TEX11: variants seen among roughly 807,000 people sequenced by gnomAD.
TEX11 encodes the protein testis expressed 11.
Under a neutral mutation model 84.4 loss-of-function variants are expected in TEX11, and 7 were observed. The observed-to-expected ratio is 0.08, with a 90% CI of 0.05 to 0.16. The LOEUF (loss-of-function observed/expected upper bound fraction) is 0.16, where lower values mean the gene tolerates loss of function less well. TEX11 is among the 10% of genes least tolerant of loss of function. The pLI is 1.00. For synonymous variants in TEX11, 264 were observed against 222.8 expected, an observed-to-expected ratio of 1.18 and a Z score of -1.64; for missense variants, 551 against 660.5, an observed-to-expected ratio of 0.83 and a Z score of 1.82.
chrX:70,768,811 T>C (rs755598722), intron 9 of TEX11, among the ~76,000 whole-genome samples: 3 of 111,835 alleles, frequency 2.7e-5, no homozygotes, highest in African/African-American at 9.7e-5. Flanking sequence ...AAATTCTTAA[T>C]TGCACATAGA....
chrX:70,674,162 T>A (rs2090048874), intron 15 of TEX11, among the ~76,000 whole-genome samples: 2 of 112,449 alleles, frequency 1.8e-5, no homozygotes, highest in African/African-American at 6.5e-5. Context: ...TTTGGCTTTC[T>A]GATCCTGTGT....
At chrX:70,791,464 T>C (rs2091117774) in intron 9 of TEX11, among the ~76,000 whole-genome samples, 2 of 111,892 alleles carry the variant, frequency 1.8e-5, no homozygotes, top group South Asian at 7.4e-4. Flanking sequence ...GCAGAAAACT[T>C]ATGAGGAAAT....
intron 8 of TEX11, among the ~76,000 whole-genome samples, chrX:70,814,070 A>G (rs2147815831): frequency 8.9e-6 from 1 of 111,764 alleles, no homozygotes; most frequent in South Asian, 3.8e-4. Context: ...CAAGCTACCA[A>G]TGACTTTCTT....
intron 13 of TEX11, among the ~76,000 whole-genome samples, chrX:70,714,847 G>A (rs1433852054): frequency 1.8e-5 from 2 of 111,359 alleles, no homozygotes; most frequent in African/African-American, 6.5e-5. Context: ...GATGTTAGCT[G>A]GTTATTTTGC....
At chrX:70,773,825 G>A (rs2090985318) in intron 9 of TEX11, among the ~76,000 whole-genome samples, 1 of 111,526 alleles carries the variant, frequency 9.0e-6, no homozygotes, top group Non-Finnish European at 1.9e-5. Flanking sequence ...ATTCAACAGA[G>A]AAGTTACAGG....
At chrX:70,772,394 G>C (rs902123508) in intron 9 of TEX11, among the ~76,000 whole-genome samples, 2 of 110,524 alleles carry the variant, frequency 1.8e-5, no homozygotes, top group Admixed American at 9.7e-5. Flanking sequence ...GGGCAACTTA[G>C]GGAGGCCCCA....
intron 11 of TEX11, among the ~76,000 whole-genome samples, chrX:70,737,319 T>A (rs946032671): frequency 1.8e-5 from 2 of 110,812 alleles, no homozygotes; most frequent in African/African-American, 3.3e-5. Flanking sequence ...AAATAACAAA[T>A]TATGTTTTAA....
intron 25 of TEX11, among the ~76,000 whole-genome samples, chrX:70,558,210 T>C (rs2088314901): frequency 9.4e-6 from 1 of 106,449 alleles, no homozygotes; most frequent in African/African-American, 3.7e-5. Flanking sequence ...AGCATGGTAC[T>C]GACATAAGGA....
rs947327797 is a variant in TEX11, at chrX:70,831,464, C to T, written c.606+2049G>A. On this transcript the variant is annotated intron_variant, in intron 8 of 29. Coordinates refer to ENST00000374333, the MANE Select transcript of TEX11 (RefSeq NM_031276.3). ...TAACATAGTGAAACCCCCATCTCTACAAAAAAATAAAACAACTAGCCAGCC... is the reference window on the plus strand; with the variant it reads ...TAACATAGTGAAACCCCCATCTCTATAAAAAAATAAAACAACTAGCCAGCC... Among the ~76,000 whole-genome samples the T allele has an allele frequency of 4.5e-5, 5 of 110,800 alleles. No individual in the cohort carries two copies. In the Admixed American group the frequency reaches 4.8e-4, roughly 11 times the overall value.
intron 8 of TEX11, among the ~76,000 whole-genome samples, chrX:70,825,411 C>T (rs1005081370): frequency 9.1e-6 from 1 of 109,493 alleles, no homozygotes; most frequent in African/African-American, 3.3e-5. Flanking sequence ...AAAATCTCAA[C>T]ATACATAAGA....
intron 21 of TEX11, 82 bp downstream of exon 21, chrX:70,610,421 T>A: frequency 1.1e-6 from 1 of 878,433 alleles, no homozygotes; most frequent in Non-Finnish European, 1.6e-6. Flanking sequence ...AAGGTTAAAG[T>A]TGCTGTGCTT....
chrX:70,549,767 A>T (rs1162635122), intron 28 of TEX11, among the ~76,000 whole-genome samples: 1 of 112,212 alleles, frequency 8.9e-6, no homozygotes, highest in Admixed American at 9.4e-5. Context: ...CACTAGGTAG[A>T]TTTCTAGGGT....
chrX:70,582,890 C>T (rs11094161), intron 25 of TEX11, among the ~76,000 whole-genome samples: 45,568 of 107,532 alleles, frequency 0.42, 8,258 homozygotes, highest in East Asian at 0.61. Context: ...GGATTACAGG[C>T]GTGCACCACC....
chrX:70,777,034 T>A (rs2091006116), intron 9 of TEX11, among the ~76,000 whole-genome samples: 2 of 108,026 alleles, frequency 1.9e-5, no homozygotes, highest in African/African-American at 6.7e-5. Flanking sequence ...TTTATTTATT[T>A]ATTATTATTA....
At chrX:70,616,581 G>A (rs1053812148) in intron 20 of TEX11, among the ~76,000 whole-genome samples, 1 of 111,879 alleles carries the variant, frequency 8.9e-6, no homozygotes, top group African/African-American at 3.2e-5. Flanking sequence ...TCCCATGTTT[G>A]TTGCAGCACT....
intron 13 of TEX11, among the ~76,000 whole-genome samples, chrX:70,710,246 AG>A (rs953494021): frequency 8.9e-6 from 1 of 111,875 alleles, no homozygotes; most frequent in African/African-American, 3.2e-5. Context: ...AAAAACTAAA[AG>A]CAGATTGTTA....
chrX:70,646,723 G>A (rs761785849), intron 17 of TEX11, among the ~76,000 whole-genome samples: 3 of 111,710 alleles, frequency 2.7e-5, no homozygotes, highest in Non-Finnish European at 5.7e-5. Flanking sequence ...AAAAGACAAA[G>A]GAGAGCAAGT....
At chrX:70,612,188 C>T (rs778311958) in intron 20 of TEX11, among the ~76,000 whole-genome samples, 113 of 110,359 alleles carry the variant, frequency 1.0e-3, no homozygotes, top group Non-Finnish European at 1.9e-3. Context: ...CAATTCACCA[C>T]CACATTACTA....
rs1006872188 is a variant in TEX11 at position 70,729,325 on chromosome X, G to C, written c.844-3982C>G. 3.6e-5 allele frequency among the ~76,000 whole-genome samples: 4 copies of C among 111,735 alleles called. No individual in the cohort carries two copies. In the Admixed American group the frequency reaches 3.8e-4, roughly 11 times the overall value. On this transcript the variant is annotated intron_variant, in intron 11 of 29. Coordinates refer to ENST00000374333, the MANE Select transcript of TEX11 (RefSeq NM_031276.3). ...AAGCTGGATGGAGAATGACTTTGAC[G>C]AGTTGAGAGAAGGCTTCAGACGATT...
Sources: allele counts gnomAD v4.1 joint callset (sites outside exome capture counted in the v4.1 genomes callset), GRCh38; gene constraint gnomAD v4.1.1; transcripts MANE v1.5; gene names NCBI Gene and HGNC (gene_info 2026-07-23, HGNC 2026-07-21).